Variants in DNAJC9 observed in about 807,000 individuals in gnomAD.
The protein encoded by DNAJC9 is DnaJ heat shock protein family (Hsp40) member C9.
A neutral mutation model predicts 32.4 loss-of-function variants in DNAJC9; 18 were observed. The ratio of observed to expected loss-of-function variants is 0.56; its 90% CI spans 0.38 to 0.82. The LOEUF is 0.82. DNAJC9 is among the 40% of genes least tolerant of loss of function. The pLI is 0.00. For synonymous variants in DNAJC9, 113 were observed against 122.1 expected (o/e 0.93, Z 0.49); for missense variants, 310 against 321.8 (o/e 0.96, Z 0.28).
chr10:73,232,362 A>G (rs1181945331), intron 2 of DNAJC9, among the ~76,000 whole-genome samples: 2 of 152,212 alleles, frequency 1.3e-5, no homozygotes, highest in African/African-American at 4.8e-5. Context: ...TGTGGTCCCA[A>G]CAGCTCTGGC....
intron 3 of DNAJC9, among the ~76,000 whole-genome samples, chr10:73,245,225 C>G (rs2043992610): frequency 6.6e-6 from 1 of 152,092 alleles, no homozygotes; most frequent in Admixed American, 6.5e-5. Context: ...GCCAGCGTCT[C>G]TTATGTAAAA....
downstream of DNAJC9, chr10:73,241,198 G>A (rs777678337): frequency 1.7e-4 from 96 of 572,624 alleles, no homozygotes; most frequent in Non-Finnish European, 4.4e-5. Context: ...TGACATGAGT[G>A]TTGTTTCTAT....
chr10:73,244,707 T>C (rs561620851), intron 3 of DNAJC9, among the ~76,000 whole-genome samples: 19 of 151,278 alleles, frequency 1.3e-4, no homozygotes, highest in Non-Finnish European at 2.2e-4. Flanking sequence ...AAAGCAGCCT[T>C]CCTTTGCCAA....
At chr10:73,234,467 G>A (rs1564716251), downstream of DNAJC9, 1 of 218,144 alleles carries the variant, frequency 4.6e-6, no homozygotes, top group Non-Finnish European at 9.3e-6. Flanking sequence ...ATAACCAGAA[G>A]GTCCAGAACT....
downstream of DNAJC9, chr10:73,234,456 G>A (rs2043777888): frequency 4.8e-6 from 1 of 206,570 alleles, no homozygotes; most frequent in South Asian, 8.2e-5. Context: ...TAGGGAAAAC[G>A]ATAACCAGAA....
Position 73,246,791 on chromosome 10 carries a change from T to C in DNAJC9, c.218A>G (p.Glu73Gly). The C allele has an allele frequency of 6.2e-7, 1 of 1,614,128 alleles. No individual in the cohort carries two copies. The highest frequency in any genetic ancestry group is 8.5e-7 in the Non-Finnish European group (1 of 1,180,010). Residue 73 changes from glutamate to glycine, a missense_variant, in exon 2 of 5, where the codon GAA becomes GGA. Coordinates refer to ENST00000372950, the MANE Select transcript of DNAJC9 (RefSeq NM_015190.5). ...GKVYSVLSDR[E>G]QRAVYDEQGT... ...CTGCTCATCGTACACTGCTCTCTGT[T>C]CTCTGTCACTGAGAACGGAATAGAC...
chr10:73,232,934 A>C (rs1024912862), intron 2 of DNAJC9: 4 of 1,516,216 alleles, frequency 2.6e-6, no homozygotes, highest in Middle Eastern at 1.7e-4. Context: ...TGATTTGGCT[A>C]CTAGAGATCT....
chr10:73,243,783 G>A, intron 4 of DNAJC9, 60 bp downstream of exon 4: 1 of 1,446,996 alleles, frequency 6.9e-7, no homozygotes, highest in Non-Finnish European at 9.6e-7. Flanking sequence ...ACATTCCAAA[G>A]AAAATATTAG....
chr10:73,239,977 TGCAGTGGCA>T (rs2043905071), downstream of DNAJC9, among the ~76,000 whole-genome samples: 5 of 152,212 alleles, frequency 3.3e-5, no homozygotes, highest in Non-Finnish European at 7.3e-5. Context: ...CAGGCCAGAA[TGCAGTGGCA>T]TGATCATGGC....
chr10:73,247,072 G>T lies in DNAJC9; in HGVS notation c.118C>A (p.Leu40Met). The part of the protein sequence containing the change: ...EVRRGYHKVS[L>M]QVHPDRVGEG... Reference sequence around the variant, plus strand: ...CCCACCCGGTCCGGGTGTACCTGCAGGGACACCTTGTGGTAGCCTCGTCGG... The same window carrying T: ...CCCACCCGGTCCGGGTGTACCTGCATGGACACCTTGTGGTAGCCTCGTCGG... The change falls in exon 1 of 5, where the codon CTG (leucine) becomes ATG (methionine). Residue 40 changes from leucine (L) to methionine (M), a missense_variant. Coordinates refer to ENST00000372950, the MANE Select transcript of DNAJC9 (RefSeq NM_015190.5). 5 of 1,590,872 alleles carry T rather than the reference G, an allele frequency of 3.1e-6. No individual in the cohort carries two copies. Among genetic ancestry groups the T allele is most frequent in the Non-Finnish European group, 4.3e-6 (5 of 1,169,866 alleles).
Position 73,243,319 on chromosome 10 carries a change from C to T in DNAJC9, c.*81G>A, listed in dbSNP as rs1478771628. The T allele has an allele frequency of 6.5e-7, 1 of 1,532,456 alleles. No homozygotes were observed. Among genetic ancestry groups the T allele is most frequent in the East Asian group, 2.3e-5 (1 of 44,340 alleles). 94.9% of individuals were successfully genotyped at this position (1,532,456 alleles called of 1,614,324 possible). ...CACCTTTTCTCAAGAGCTGAATTGA[C>T]TTTTGCCTTCAAATCCTGCCTGCAC... On this transcript the variant is annotated 3_prime_UTR_variant, in exon 5 of 5. Coordinates refer to ENST00000372950, the MANE Select transcript of DNAJC9 (RefSeq NM_015190.5).
At position 73,246,704 on chromosome 10, in the gene DNAJC9, C is replaced by A. The variant is rs778487110; in HGVS notation, c.305G>T (p.Arg102Leu). The A allele has an allele frequency of 2.5e-6, 4 of 1,613,902 alleles. No individual in the cohort carries two copies. Among genetic ancestry groups the A allele is most frequent in the Admixed American group, 1.7e-5 (1 of 60,016 alleles). The change falls in exon 2 of 5, where the codon CGG becomes CTG. Residue 102 changes from arginine to leucine, a missense_variant. Transcript: ENST00000372950. ...GTCCTTTACCTTTTTAAAGAGTAGC[C>A]GCCAATACGCCTCCCAGTCTCGGTC... ...TQDRDWEAYW[R>L]LLFKKISLED...
At chr10:73,237,610 C>T (rs1197618984), downstream of DNAJC9, among the ~76,000 whole-genome samples, 1 of 152,120 alleles carries the variant, frequency 6.6e-6, no homozygotes, top group Non-Finnish European at 1.5e-5. Flanking sequence ...TTAGTAAAGA[C>T]AGTGTTTCTC....
downstream of DNAJC9, among the ~76,000 whole-genome samples, chr10:73,236,431 T>C (rs1050063006): frequency 2.7e-5 from 4 of 147,908 alleles, no homozygotes; most frequent in Admixed American, 2.7e-4. Context: ...TTTTTTTTTT[T>C]GAGACGGAGT....
At chr10:73,237,148 G>A (rs1356299770), downstream of DNAJC9, among the ~76,000 whole-genome samples, 1 of 152,144 alleles carries the variant, frequency 6.6e-6, no homozygotes, top group Non-Finnish European at 1.5e-5. Context: ...TATCTGCAAA[G>A]ACCCTATTTC....
At chr10:73,235,613 T>G, downstream of DNAJC9, 1 of 389,712 alleles carries the variant, frequency 2.6e-6, no homozygotes, top group Non-Finnish European at 4.3e-6. Context: ...TAAGCATAAC[T>G]TTATTATGTA....
chr10:73,233,875 C>T (rs2043764213), downstream of DNAJC9, among the ~76,000 whole-genome samples: 1 of 152,172 alleles, frequency 6.6e-6, no homozygotes, highest in East Asian at 1.9e-4. Context: ...TTGGGATCTG[C>T]TTATTCCATT....
intron 3 of DNAJC9, 177 bp from the exon 4 acceptor site, chr10:73,244,106 G>A: frequency 1.7e-6 from 1 of 590,524 alleles, no homozygotes; most frequent in Non-Finnish European, 3.0e-6. Flanking sequence ...ACAGCAAGCA[G>A]TAGATCCTCT....
In DNAJC9 at chr10:73,247,052, C is replaced by A. The variant is rs1436401173; in HGVS notation, c.138G>T (p.Arg46=). The A allele has an allele frequency of 1.3e-6, 2 of 1,571,266 alleles. No individual in the cohort carries two copies. The highest frequency in any genetic ancestry group is 1.3e-5 in the African/African-American group (1 of 74,074). The change falls in exon 1 of 5, where the codon CGG becomes CGT. Residue 46 remains arginine, a synonymous_variant. Transcript: ENST00000372950. ...HKVSLQVHPD[R]VGEGDKEDAT... ...CGTCCTCCTTGTCGCCCTCACCCACCCGGTCCGGGTGTACCTGCAGGGACA... is the reference window on the plus strand; with the variant it reads ...CGTCCTCCTTGTCGCCCTCACCCACACGGTCCGGGTGTACCTGCAGGGACA...
Sources: allele counts gnomAD v4.1 joint callset (sites outside exome capture counted in the v4.1 genomes callset), GRCh38; gene constraint gnomAD v4.1.1; transcripts MANE v1.5; gene names NCBI Gene and HGNC (gene_info 2026-07-23, HGNC 2026-07-21).